MCC: variants seen among roughly 807,000 people sequenced by gnomAD.
The protein encoded by MCC is colorectal mutant cancer protein.
Under a neutral mutation model 116.2 loss-of-function variants are expected in MCC, and 90 were observed. The ratio of observed to expected loss-of-function variants is 0.77; its 90% CI spans 0.65 to 0.92. The LOEUF (loss-of-function observed/expected upper bound fraction) is 0.92, where lower values mean the gene tolerates loss of function less well. Ranked by LOEUF, MCC falls within the 40% of genes least tolerant of loss-of-function variation. MCC has a pLI of 0.00. For missense variants in MCC, 1,516 were observed against 1,312.2 expected (o/e 1.16, Z -2.40); for synonymous variants, 578 against 510.5 (o/e 1.13, Z -1.78).
intron 17 of MCC, among the ~76,000 whole-genome samples, chr5:113,042,694 C>T (rs944666942): frequency 6.6e-6 from 1 of 151,726 alleles, no homozygotes; most frequent in Non-Finnish European, 1.5e-5. Context: ...CAGCCACAAC[C>T]ATATGTGGCT....
In MCC at chr5:113,068,069, G is replaced by A; in HGVS notation, c.2029+11C>T. 6.2e-7 allele frequency: 1 copy of A among 1,610,904 alleles called. No individual in the cohort carries two copies. Among genetic ancestry groups the A allele is most frequent in the Non-Finnish European group, 8.5e-7 (1 of 1,177,054 alleles). Reference sequence around the variant, plus strand: ...GACAAGAGGAGGAAGAGGGACTCTGGAGACACTTACCAGGGGAGGACCCCA... The same window carrying A: ...GACAAGAGGAGGAAGAGGGACTCTGAAGACACTTACCAGGGGAGGACCCCA... On this transcript the variant is annotated intron_variant, in intron 13 of 18. Coordinates refer to ENST00000408903, the MANE Select transcript of MCC (RefSeq NM_001085377.2).
chr5:113,318,331 A>G (rs1767337088), intron 3 of MCC, among the ~76,000 whole-genome samples: 1 of 152,220 alleles, frequency 6.6e-6, no homozygotes, highest in African/African-American at 2.4e-5. Flanking sequence ...TCCAAAGCCT[A>G]CATAAGAGCT....
chr5:113,468,358 C>G (rs934090962), intron 1 of MCC, among the ~76,000 whole-genome samples: 9 of 152,164 alleles, frequency 5.9e-5, no homozygotes, highest in African/African-American at 2.2e-4. Context: ...TACATACCAT[C>G]AATACCTAAT....
chr5:113,081,892 C>A (rs1163204595), intron 11 of MCC, among the ~76,000 whole-genome samples: 3 of 152,234 alleles, frequency 2.0e-5, no homozygotes, highest in African/African-American at 7.2e-5. Flanking sequence ...AATTAAGCAA[C>A]AGCGGATGGG....
In MCC at chr5:113,071,234, G is replaced by T. The variant is rs1305391742; in HGVS notation, c.1785C>A (p.Ser595Arg). ...EFEVETERLNSRIEHLKSQND... is the reference protein window; with the variant it reads ...EFEVETERLNRRIEHLKSQND... ...TTTGGGATTTGAGGTGCTCAATCCG[G>T]CTACAAAGGAACAAAAATCAGATTC... Residue 595 changes from serine (S) to arginine (R), a missense_variant and splice_region_variant, in exon 12 of 19, where the codon AGC becomes AGA. Physicochemically the swap from Ser to Arg is moderately radical, Grantham distance 110. Coordinates refer to ENST00000408903, the MANE Select transcript of MCC (RefSeq NM_001085377.2). The T allele has an allele frequency of 1.9e-6, 3 of 1,612,762 alleles. No individual in the cohort carries two copies. The highest frequency in any genetic ancestry group is 2.5e-6 in the Non-Finnish European group (3 of 1,179,534).
At chr5:113,243,024 A>G (rs760818558) in intron 3 of MCC, among the ~76,000 whole-genome samples, 3 of 152,214 alleles carry the variant, frequency 2.0e-5, no homozygotes, top group Non-Finnish European at 2.9e-5. Flanking sequence ...CTTACTTTAA[A>G]AAGTTTAAAC....
At chr5:113,206,737 C>G (rs1762928548) in intron 3 of MCC, among the ~76,000 whole-genome samples, 1 of 152,176 alleles carries the variant, frequency 6.6e-6, no homozygotes, top group Non-Finnish European at 1.5e-5. Context: ...AATTTTCAGG[C>G]ACTTTGAGGA....
chr5:113,042,348 A>C (rs889093023), intron 17 of MCC, among the ~76,000 whole-genome samples: 11 of 148,810 alleles, frequency 7.4e-5, no homozygotes, highest in Admixed American at 6.7e-4. Context: ...GGGGGCATGC[A>C]CCTGTGGTCC....
chr5:113,053,086 G>T (rs1412435461), intron 15 of MCC, among the ~76,000 whole-genome samples: 1 of 152,164 alleles, frequency 6.6e-6, no homozygotes, highest in African/African-American at 2.4e-5. Context: ...CTTGTTGTAG[G>T]TATGGCGGTT....
chr5:113,363,551 C>T (rs570333356), intron 2 of MCC, among the ~76,000 whole-genome samples: 2 of 152,240 alleles, frequency 1.3e-5, no homozygotes, highest in South Asian at 2.1e-4. Flanking sequence ...TAAATAGTAC[C>T]AAAGGGGGAT....
chr5:113,441,566 A>G lies in MCC; in HGVS notation c.170+46679T>C, dbSNP rs372038225. Among the ~76,000 whole-genome samples the G allele has an allele frequency of 5.0e-4, 76 of 152,240 alleles. No homozygotes were observed. In the South Asian group the frequency reaches 0.015, roughly 30 times the overall value. On this transcript the variant is annotated intron_variant, in intron 1 of 18. Transcript: ENST00000408903. ...TGTGCGGAACGTGCAGTTTTGTTAC[A>G]TAAGTATACCTGTGCCATGGTGGTT... is the stretch of plus-strand genomic sequence containing the variant.
rs747955728 is a variant in MCC, at chr5:113,434,692, C to A, written c.171-49480G>T. 2.5e-6 allele frequency: 4 copies of A among 1,614,004 alleles called. No individual in the cohort carries two copies. Among genetic ancestry groups the A allele is most frequent in the East Asian group, 4.5e-5 (2 of 44,884 alleles). On this transcript the variant is annotated intron_variant, in intron 1 of 18. Transcript: ENST00000408903. This position sits in a 1 kb window ranked among gnomAD's most constrained non-coding sequence, Gnocchi z 4.2. ...GGAAGGAATTTCTCCAAGAAGTCTG[C>A]GGGGGCCTTCTTGCGGTCGATGATC...
chr5:113,153,046 G>T (rs1759972950), intron 3 of MCC, among the ~76,000 whole-genome samples: 1 of 152,132 alleles, frequency 6.6e-6, no homozygotes, highest in African/African-American at 2.4e-5. Flanking sequence ...CCCTTTGATG[G>T]TTGGTTGCCC....
intron 1 of MCC, among the ~76,000 whole-genome samples, chr5:113,408,575 G>A (rs894846128): frequency 3.9e-5 from 6 of 152,120 alleles, no homozygotes; most frequent in Admixed American, 1.3e-4. Context: ...AAATGTAGTC[G>A]TGAGACCAGC....
chr5:113,293,187 T>C lies in MCC; in HGVS notation c.627+47332A>G, dbSNP rs188282773. On this transcript the variant is annotated intron_variant, in intron 3 of 18. Coordinates refer to ENST00000408903, the MANE Select transcript of MCC (RefSeq NM_001085377.2). ...CAGCCCGACGGCAGACCTCCTAGGT[T>C]TCCCCCAACCCCATTTAATCCCCCC... Among the ~76,000 whole-genome samples the C allele has an allele frequency of 1.5e-3, 232 of 151,536 alleles. 2 individuals carry two copies. The highest frequency in any genetic ancestry group is 3.4e-3 in the Middle Eastern group (1 of 294).
chr5:113,329,063 C>T (rs959360542), intron 3 of MCC, among the ~76,000 whole-genome samples: 2 of 152,200 alleles, frequency 1.3e-5, no homozygotes, highest in African/African-American at 4.8e-5. Context: ...TCATGCCAGG[C>T]AACCTCTGTA....
chr5:113,340,768 T>C, intron 2 of MCC, 38 bp from the exon 3 acceptor site: 1 of 1,569,832 alleles, frequency 6.4e-7, no homozygotes, highest in Non-Finnish European at 8.7e-7. Context: ...AAAAGACATT[T>C]CCTTCATTAG....
intron 11 of MCC, among the ~76,000 whole-genome samples, chr5:113,081,923 C>T (rs1386684580): frequency 2.6e-5 from 4 of 152,206 alleles, no homozygotes. Flanking sequence ...CCTATTTCTT[C>T]CTGGTTAGCT....
At chr5:113,256,729 C>T (rs1374735607) in intron 3 of MCC, among the ~76,000 whole-genome samples, 2 of 152,188 alleles carry the variant, frequency 1.3e-5, no homozygotes, top group African/African-American at 4.8e-5. Flanking sequence ...CTGGCCGCTG[C>T]AGACACTGCT....
Sources: gnomAD v4.1 joint callset for allele counts (sites outside exome capture counted in the v4.1 genomes callset) on GRCh38, gnomAD v4.1.1 for gene constraint, Gnocchi (gnomAD v3.1) non-coding constraint, MANE v1.5 for transcripts, NCBI Gene and HGNC (gene_info 2026-07-23, HGNC 2026-07-21) for gene names.